Variants in THRB observed in about 807,000 individuals in gnomAD.
THRB encodes thyroid hormone receptor beta, also known as nuclear receptor subfamily 1 group A member 2.
Under a neutral mutation model 47.8 loss-of-function variants are expected in THRB, and 12 were observed. The observed-to-expected ratio is 0.25, with a 90% CI of 0.16 to 0.41. The LOEUF is 0.41. THRB is among the 10% of genes least tolerant of loss of function. The probability of loss-of-function intolerance (pLI) is 1.00; values close to 1 mark genes in which losing one functional copy is unlikely to be tolerated. For synonymous variants in THRB, 218 were observed against 212.2 expected, an observed-to-expected ratio of 1.03 and a Z score of -0.24; for missense variants, 348 against 589.2, an observed-to-expected ratio of 0.59 and a Z score of 4.24.
intron 1 of THRB, among the ~76,000 whole-genome samples, chr3:24,416,969 A>C (rs563438409): frequency 1.7e-4 from 26 of 152,058 alleles, no homozygotes; most frequent in African/African-American, 6.0e-4. Context: ...TTCTCTTTAT[A>C]TAAGAAAGCA....
chr3:24,141,944 G>T (rs1319760050), intron 8 of THRB, among the ~76,000 whole-genome samples: 1 of 152,218 alleles, frequency 6.6e-6, no homozygotes, highest in African/African-American at 2.4e-5. Context: ...GTTAGAATTT[G>T]TCTATCAATC....
At chr3:24,212,577 C>CAAAAAAAA (rs1199010853) in intron 4 of THRB, among the ~76,000 whole-genome samples, 4 of 84,094 alleles carry the variant, frequency 4.8e-5, no homozygotes, top group South Asian at 1.1e-3. Context: ...GACTCCGTCT[C>CAAAAAAAA]AAAAAAAAAA....
At chr3:24,401,297 G>A (rs2150081104) in intron 1 of THRB, among the ~76,000 whole-genome samples, 1 of 152,138 alleles carries the variant, frequency 6.6e-6, no homozygotes, top group African/African-American at 2.4e-5. Flanking sequence ...CCCTGCAGGA[G>A]GAAAAGAAAC....
chr3:24,411,276 G>A (rs1224853857), intron 1 of THRB, among the ~76,000 whole-genome samples: 1 of 151,774 alleles, frequency 6.6e-6, no homozygotes, highest in Non-Finnish European at 1.5e-5. Context: ...AAAAATATTA[G>A]ATTAAAATTC....
intron 5 of THRB, among the ~76,000 whole-genome samples, chr3:24,188,252 CAAT>C (rs2042847888): frequency 6.6e-6 from 1 of 152,112 alleles, no homozygotes; most frequent in Non-Finnish European, 1.5e-5. Context: ...ATAAGGATCA[CAAT>C]AATAATGACA....
intron 8 of THRB, among the ~76,000 whole-genome samples, chr3:24,137,682 C>T (rs1448922700): frequency 6.6e-6 from 1 of 152,096 alleles, no homozygotes; most frequent in Admixed American, 6.5e-5. Flanking sequence ...TGATGCTAGG[C>T]ATTGTAGACC....
chr3:24,318,786 G>T (rs757140875), intron 2 of THRB, among the ~76,000 whole-genome samples: 1 of 152,210 alleles, frequency 6.6e-6, no homozygotes, highest in Non-Finnish European at 1.5e-5. Flanking sequence ...TGTTTATCAA[G>T]GCCATGCCAT....
intron 2 of THRB, among the ~76,000 whole-genome samples, chr3:24,316,919 T>C (rs1167888521): frequency 6.6e-6 from 1 of 152,212 alleles, no homozygotes; most frequent in African/African-American, 2.4e-5. Context: ...GAGCCCGTAT[T>C]TCAGGCAGAA....
chr3:24,158,270 C>T (rs374225570), intron 5 of THRB, among the ~76,000 whole-genome samples: 1 of 152,170 alleles, frequency 6.6e-6, no homozygotes, highest in South Asian at 2.1e-4. Context: ...TTTTTAGGCT[C>T]CACAGTCAGA....
chr3:24,233,560 G>GAAGAAAGAAAGAAAGA (rs769459380), intron 3 of THRB, among the ~76,000 whole-genome samples: 3,268 of 77,202 alleles, frequency 0.042, 79 homozygotes, highest in Admixed American at 0.072. Flanking sequence ...AAAGAAAAAG[G>GAAGAAAGAAAGAAAGA]AAGAAAGAAA....
chr3:24,397,977 A>C (rs2067102649), intron 1 of THRB, among the ~76,000 whole-genome samples: 1 of 152,130 alleles, frequency 6.6e-6, no homozygotes, highest in Non-Finnish European at 1.5e-5. Context: ...AAGCTATTGT[A>C]ATTGTAGCCT....
At chr3:24,376,551 G>A (rs1008670059) in intron 1 of THRB, among the ~76,000 whole-genome samples, 3 of 152,086 alleles carry the variant, frequency 2.0e-5, no homozygotes, top group Admixed American at 6.6e-5. Flanking sequence ...AGCAGAAAAG[G>A]GTGTTTGAGG....
chr3:24,333,056 C>A (rs1223611259), intron 2 of THRB, among the ~76,000 whole-genome samples: 1 of 152,074 alleles, frequency 6.6e-6, no homozygotes, highest in African/African-American at 2.4e-5. Flanking sequence ...TGCACTCCAG[C>A]CTGGGTGACA....
At chr3:24,347,486 T>C (rs2063094001) in intron 1 of THRB, among the ~76,000 whole-genome samples, 1 of 151,140 alleles carries the variant, frequency 6.6e-6, no homozygotes, top group South Asian at 2.1e-4. Context: ...AAAATACTAA[T>C]AAAATCATAA....
At chr3:24,336,241 G>A (rs1040523184) in intron 2 of THRB, among the ~76,000 whole-genome samples, 3 of 152,196 alleles carry the variant, frequency 2.0e-5, no homozygotes, top group African/African-American at 7.2e-5. Context: ...CCTGGGCACT[G>A]AGTGCTGTAA....
chr3:24,281,232 A>G lies in THRB; in HGVS notation c.-43+15994T>C, dbSNP rs373516930. Among the ~76,000 whole-genome samples, 12 of 152,266 alleles carry G rather than the reference A, an allele frequency of 7.9e-5. No individual in the cohort carries two copies. The East Asian group carries it at 1.5e-3, about 20-fold the overall frequency. On this transcript the variant is annotated intron_variant, in intron 3 of 10. Coordinates refer to ENST00000646209, the MANE Select transcript of THRB (RefSeq NM_001354712.2). ...AAGGGAAGCCCATCAGACTAACAGC[A>G]GATCTCTCGGCAGAAACTCTACAAG...
intron 1 of THRB, among the ~76,000 whole-genome samples, chr3:24,371,219 T>A (rs2064881507): frequency 6.6e-6 from 1 of 152,072 alleles, no homozygotes; most frequent in Admixed American, 6.6e-5. Context: ...AAAGCACTCC[T>A]CCCAAAAAGG....
intron 3 of THRB, among the ~76,000 whole-genome samples, chr3:24,258,522 C>T (rs548014307): frequency 2.0e-5 from 3 of 152,126 alleles, no homozygotes; most frequent in Non-Finnish European, 2.9e-5. Context: ...TAGTACCATA[C>T]GGGTAATCAT....
intron 1 of THRB, among the ~76,000 whole-genome samples, chr3:24,339,441 A>T (rs939758851): frequency 6.6e-6 from 1 of 152,216 alleles, no homozygotes; most frequent in African/African-American, 2.4e-5. Flanking sequence ...CCAAAGTCAA[A>T]CAGTGCAGAA....
Sources: allele counts gnomAD v4.1 joint callset (sites outside exome capture counted in the v4.1 genomes callset), GRCh38; gene constraint gnomAD v4.1.1; transcripts MANE v1.5; gene names NCBI Gene and HGNC (gene_info 2026-07-23, HGNC 2026-07-21).